Variants in ESRRG observed in about 807,000 individuals in gnomAD.
The protein encoded by ESRRG is estrogen-related receptor gamma.
ESRRG carries 13 observed loss-of-function variants against 44.0 expected under a neutral mutation model. That is an observed-to-expected ratio of 0.30 (90% CI 0.19 to 0.47). The LOEUF (loss-of-function observed/expected upper bound fraction) is 0.47, where lower values mean the gene tolerates loss of function less well. Among genes scored for constraint, ESRRG ranks in the 20% least tolerant of loss-of-function variants. The probability of loss-of-function intolerance (pLI) is 1.00; values close to 1 mark genes in which losing one functional copy is unlikely to be tolerated. For synonymous variants in ESRRG, 215 were observed against 214.6 expected, an observed-to-expected ratio of 1.00 and a Z score of -0.02; for missense variants, 395 against 580.6, an observed-to-expected ratio of 0.68 and a Z score of 3.29.
At chr1:216,913,477 A>G (rs931867339) in intron 2 of ESRRG, among the ~76,000 whole-genome samples, 1 of 152,206 alleles carries the variant, frequency 6.6e-6, no homozygotes, top group African/African-American at 2.4e-5. Context: ...ATATCAAAGG[A>G]AAGTGTAGAA....
intron 1 of ESRRG, among the ~76,000 whole-genome samples, chr1:216,961,726 G>A (rs747825789): frequency 6.6e-6 from 1 of 152,066 alleles, no homozygotes; most frequent in African/African-American, 2.4e-5. Flanking sequence ...TGGCATTGTT[G>A]TAACATATAT....
intron 1 of ESRRG, among the ~76,000 whole-genome samples, chr1:217,088,050 G>C (rs1223101124): frequency 7.0e-6 from 1 of 143,538 alleles, no homozygotes; most frequent in African/African-American, 2.6e-5. Context: ...TGCTGGACAG[G>C]AAAAAAAAAA....
chr1:216,725,703 C>CA (rs2087378614), upstream of ESRRG, among the ~76,000 whole-genome samples: 1 of 151,526 alleles, frequency 6.6e-6, no homozygotes, highest in Admixed American at 6.6e-5. Flanking sequence ...CACACACACA[C>CA]AAAAAAGAAA....
At chr1:217,059,456 G>A (rs1390217386) in intron 1 of ESRRG, among the ~76,000 whole-genome samples, 1 of 151,996 alleles carries the variant, frequency 6.6e-6, no homozygotes, top group Non-Finnish European at 1.5e-5. Context: ...AGAAAGCAGA[G>A]CTTCTTGGAG....
At chr1:216,549,033 C>T (rs6658786) in intron 5 of ESRRG, among the ~76,000 whole-genome samples, 87,928 of 151,880 alleles carry the variant, frequency 0.58, 27,124 homozygotes, top group African/African-American at 0.8. Flanking sequence ...CTGTATAGAA[C>T]ATGACAAATC....
At chr1:217,021,181 C>A (rs754362546) in intron 1 of ESRRG, among the ~76,000 whole-genome samples, 5 of 152,126 alleles carry the variant, frequency 3.3e-5, no homozygotes, top group Admixed American at 3.3e-4. Flanking sequence ...CTGTTCCTCA[C>A]GTTCACAGAC....
upstream of ESRRG, among the ~76,000 whole-genome samples, chr1:217,092,755 TA>T (rs1580553299): frequency 6.6e-6 from 1 of 152,230 alleles, no homozygotes; most frequent in Non-Finnish European, 1.5e-5. Flanking sequence ...AACATAGTGC[TA>T]AGTACAACAC....
At chr1:216,940,441 G>A (rs540979211) in intron 1 of ESRRG, among the ~76,000 whole-genome samples, 65 of 152,252 alleles carry the variant, frequency 4.3e-4, no homozygotes, top group Admixed American at 3.7e-3. Context: ...TTGGATATCC[G>A]GGGAAATTCT....
chr1:216,749,835 T>C (rs1024734119), intron 2 of ESRRG, among the ~76,000 whole-genome samples: 1 of 152,152 alleles, frequency 6.6e-6, no homozygotes, highest in Non-Finnish European at 1.5e-5. Context: ...TAGAGGTTTA[T>C]CAAAACAAAC....
At chr1:216,937,252 A>G (rs1027355549) in intron 2 of ESRRG, among the ~76,000 whole-genome samples, 4 of 152,200 alleles carry the variant, frequency 2.6e-5, no homozygotes, top group African/African-American at 7.2e-5. Flanking sequence ...AGCAGAAAAA[A>G]AAAAGATTGC....
intron 1 of ESRRG, among the ~76,000 whole-genome samples, chr1:217,069,713 G>A (rs578102283): frequency 4.3e-4 from 66 of 152,218 alleles, no homozygotes; most frequent in Middle Eastern, 3.4e-3. Context: ...AGGGAATTCC[G>A]TCTGCTCTAC....
At position 217,136,753 on chromosome 1, in the gene ESRRG, G is replaced by T. The variant is rs901137665; in HGVS notation, c.-230+914C>A. 8.4e-4 allele frequency among the ~76,000 whole-genome samples: 128 copies of T among 152,214 alleles called. 1 individual carries two copies. Among genetic ancestry groups the T allele is most frequent in the African/African-American group, 3.0e-3 (126 of 41,546 alleles). On this transcript the variant is annotated intron_variant, in intron 1 of 8. Coordinates refer to the ESRRG transcript ENST00000366940. ...TAGGATTTTCATTTTCATTCTAGGT[G>T]CTTCCTTAAAAATAAAGCCCCCCGA... is the stretch of plus-strand genomic sequence containing the variant.
chr1:216,764,029 A>G (rs970055533), intron 2 of ESRRG, among the ~76,000 whole-genome samples: 4 of 152,180 alleles, frequency 2.6e-5, no homozygotes, highest in Admixed American at 2.6e-4. Context: ...AATGTCTTAC[A>G]AGGTATGATA....
intron 1 of ESRRG, among the ~76,000 whole-genome samples, chr1:216,943,957 C>T (rs2065673553): frequency 6.6e-6 from 1 of 152,108 alleles, no homozygotes; most frequent in Admixed American, 6.6e-5. Flanking sequence ...TCCCCCCTGC[C>T]AGGAAACTTG....
intron 2 of ESRRG, among the ~76,000 whole-genome samples, chr1:216,899,259 G>A (rs17044289): frequency 0.018 from 2,749 of 152,246 alleles, 41 homozygotes; most frequent in Non-Finnish European, 0.023. Flanking sequence ...CATAATCTGG[G>A]ACACTTGGAA....
At chr1:217,010,963 G>C (rs1156736417) in intron 1 of ESRRG, among the ~76,000 whole-genome samples, 1 of 152,124 alleles carries the variant, frequency 6.6e-6, no homozygotes, top group Admixed American at 6.5e-5. Flanking sequence ...ATCTCTGGTA[G>C]ACAGGTTGCA....
intron 1 of ESRRG, among the ~76,000 whole-genome samples, chr1:217,115,154 T>C (rs1181766298): frequency 6.6e-6 from 1 of 152,232 alleles, no homozygotes; most frequent in African/African-American, 2.4e-5. Context: ...TATTCTTACC[T>C]GTATTAAAAT....
chr1:216,752,564 G>A (rs868230503), intron 2 of ESRRG, among the ~76,000 whole-genome samples: 21 of 152,244 alleles, frequency 1.4e-4, no homozygotes, highest in African/African-American at 5.1e-4. Context: ...CACACTGCTA[G>A]AGGTCCTATT....
At chr1:216,735,979 C>CAAAAA (rs5780916) in intron 2 of ESRRG, among the ~76,000 whole-genome samples, 13 of 115,524 alleles carry the variant, frequency 1.1e-4, no homozygotes, top group Admixed American at 4.0e-4. Flanking sequence ...CTCCCCATCT[C>CAAAAA]AAAAAAAAAT....
Sources: gnomAD v4.1 joint callset for allele counts (sites outside exome capture counted in the v4.1 genomes callset) on GRCh38, gnomAD v4.1.1 for gene constraint, MANE v1.5 for transcripts, NCBI Gene and HGNC (gene_info 2026-07-23, HGNC 2026-07-21) for gene names.